Variants in FBN1 observed in about 807,000 individuals in gnomAD.
The protein encoded by FBN1 is fibrillin-1.
Under a neutral mutation model 365.1 loss-of-function variants are expected in FBN1, and 29 were observed. That is an observed-to-expected ratio of 0.08 (90% CI 0.06 to 0.11). The LOEUF is 0.11. Among genes scored for constraint, FBN1 ranks in the 10% least tolerant of loss-of-function variants. The pLI is 1.00. For missense variants in FBN1, 2,476 were observed against 3,703.2 expected, an observed-to-expected ratio of 0.67 and a Z score of 8.60; for synonymous variants, 1,210 against 1,270.5, an observed-to-expected ratio of 0.95 and a Z score of 1.01.
chr15:48,492,594 G>C lies in FBN1; in HGVS notation c.2729-8C>G, dbSNP rs775257418. On this transcript the variant is annotated splice_region_variant and splice_polypyrimidine_tract_variant and intron_variant, in intron 23 of 65. Coordinates refer to ENST00000316623, the MANE Select transcript of FBN1 (RefSeq NM_000138.5). ...CTTCACATTCATCTATATCTAAAAA[G>C]AAAAAAAAAGTATAAAGTTAATATA... 55 of 1,556,584 alleles carry C rather than the reference G, an allele frequency of 3.5e-5. No homozygotes were observed. The highest frequency in any genetic ancestry group is 4.7e-5 in the Non-Finnish European group (54 of 1,137,466).
Position 48,463,071 on chromosome 15 carries a change from C to T in FBN1, c.5224+11G>A, listed in dbSNP as rs776454928. ...ACCTATATTTTTGATAATGGAGAAACTAAAACTCACCTGTACTTGGGATGG... is the reference window on the plus strand; with the variant it reads ...ACCTATATTTTTGATAATGGAGAAATTAAAACTCACCTGTACTTGGGATGG... On this transcript the variant is annotated intron_variant, in intron 42 of 65. Coordinates refer to ENST00000316623, the MANE Select transcript of FBN1 (RefSeq NM_000138.5). 18 of 1,613,342 alleles carry T rather than the reference C, an allele frequency of 1.1e-5. No individual in the cohort carries two copies. The highest frequency in any genetic ancestry group is 1.5e-5 in the Non-Finnish European group (18 of 1,179,474).
chr15:48,550,543 T>C (rs1373835588), intron 6 of FBN1, among the ~76,000 whole-genome samples: 1 of 152,128 alleles, frequency 6.6e-6, no homozygotes, highest in Non-Finnish European at 1.5e-5. Context: ...CCCTTTGCCC[T>C]GCTGGAGTGA....
At chr15:48,614,215 C>T (rs1376985702) in intron 2 of FBN1, among the ~76,000 whole-genome samples, 1 of 152,204 alleles carries the variant, frequency 6.6e-6, no homozygotes, top group African/African-American at 2.4e-5. Flanking sequence ...ATGCTAGCTG[C>T]TAGCGATCAG....
chr15:48,613,129 AAAG>A lies in FBN1; in HGVS notation c.165-40_165-38del, dbSNP rs386134232. 189 of 1,511,016 alleles carry A rather than the reference AAAG, an allele frequency of 1.3e-4. No homozygotes were observed. Among genetic ancestry groups the A allele is most frequent in the Middle Eastern group, 3.4e-4 (2 of 5,930 alleles). The allele number at this position is 1,511,016 out of a possible 1,614,324, so 93.6% of individuals were successfully genotyped here. ...ACAGAAGAATTCCATACTTTAAAAA[AAAG>A]AAGAAGAGGAAGAGATGGCCAAATA... is the stretch of plus-strand genomic sequence containing the variant. On this transcript the variant is annotated intron_variant, in intron 2 of 65. Coordinates refer to ENST00000316623, the MANE Select transcript of FBN1 (RefSeq NM_000138.5).
intron 15 of FBN1, among the ~76,000 whole-genome samples, chr15:48,506,401 T>G (rs2141319047): frequency 6.6e-6 from 1 of 152,304 alleles, no homozygotes; most frequent in South Asian, 2.1e-4. Flanking sequence ...ATTCGGGTGG[T>G]CCAAGGTTCT....
At chr15:48,444,695 C>T (rs1347238497) in intron 48 of FBN1, 35 bp from the exon 49 acceptor site, 6 of 1,610,980 alleles carry the variant, frequency 3.7e-6, no homozygotes, top group Admixed American at 1.7e-5. Flanking sequence ...GAAGAGGTTC[C>T]CACTGGCATG....
At chr15:48,535,989 T>A (rs970652801) in intron 7 of FBN1, among the ~76,000 whole-genome samples, 1 of 152,190 alleles carries the variant, frequency 6.6e-6, no homozygotes. Flanking sequence ...GGCTGTATAC[T>A]CCAGGTCTGA....
Position 48,498,912 on chromosome 15 carries a change from T to C in FBN1, c.2167+73A>G, listed in dbSNP as rs967339031. ...GCCAGACTAGTGTAAAGGGATCAACTGGAAACCCACAAGAAAGCCTGATGC... is the reference window on the plus strand; with the variant it reads ...GCCAGACTAGTGTAAAGGGATCAACCGGAAACCCACAAGAAAGCCTGATGC... On this transcript the variant is annotated intron_variant, in intron 18 of 65. Coordinates refer to ENST00000316623, the MANE Select transcript of FBN1 (RefSeq NM_000138.5). The C allele has an allele frequency of 7.0e-6, 10 of 1,428,282 alleles. No individual in the cohort carries two copies. In the African/African-American group the frequency reaches 9.8e-5, roughly 14 times the overall value. The allele number at this position is 1,428,282 out of a possible 1,614,324, so 88.5% of individuals were successfully genotyped here. A position where few individuals can be genotyped will look rare whatever the true frequency, so the allele number is the denominator to read the frequency against.
At chr15:48,620,582 A>G (rs1302769205) in intron 2 of FBN1, among the ~76,000 whole-genome samples, 1 of 151,996 alleles carries the variant, frequency 6.6e-6, no homozygotes, top group Non-Finnish European at 1.5e-5. Context: ...GTTTTGCATG[A>G]GTGTTATTAC....
chr15:48,416,482 T>C lies in FBN1; in HGVS notation c.7820-715A>G, dbSNP rs578242502. ...TCAAACCAGCCTCCTGCCCAGAGTG[T>C]CTGAGCCCTGTCTAAAACTAAGTGT... is the stretch of plus-strand genomic sequence containing the variant. On this transcript the variant is annotated intron_variant, in intron 63 of 65. Coordinates refer to ENST00000316623, the MANE Select transcript of FBN1 (RefSeq NM_000138.5). Among the ~76,000 whole-genome samples, 8 of 152,280 alleles carry C rather than the reference T, an allele frequency of 5.3e-5. No homozygotes were observed. The East Asian group carries it at 1.5e-3, about 29-fold the overall frequency.
At chr15:48,644,976 G>C in intron 1 of FBN1, 26 bp from the exon 2 acceptor site, 1 of 384,050 alleles carries the variant, frequency 2.6e-6, no homozygotes. Flanking sequence ...AAATCCCCGA[G>C]GCGGGGAGAC....
chr15:48,443,235 T>C (rs2043130046), intron 49 of FBN1, among the ~76,000 whole-genome samples: 2 of 152,176 alleles, frequency 1.3e-5, no homozygotes, highest in South Asian at 4.1e-4. Context: ...TGACACTCCT[T>C]CCACCCCTAT....
intron 43 of FBN1, among the ~76,000 whole-genome samples, chr15:48,459,302 AG>A (rs1263276653): frequency 1.3e-5 from 2 of 152,352 alleles, no homozygotes; most frequent in East Asian, 3.9e-4. Context: ...AGCTAGGGCC[AG>A]GTGTTCCATG....
At chr15:48,437,623 G>C in intron 51 of FBN1, 145 bp downstream of exon 51, 2 of 987,722 alleles carry the variant, frequency 2.0e-6, no homozygotes, top group Non-Finnish European at 3.0e-6. Context: ...AAGCTCCTGA[G>C]ATAAAATAAT....
At chr15:48,514,238 T>C (rs187847829) in intron 12 of FBN1, among the ~76,000 whole-genome samples, 1 of 152,234 alleles carries the variant, frequency 6.6e-6, no homozygotes, top group African/African-American at 2.4e-5. Context: ...GATAAACTGG[T>C]TTATATGACC....
At chr15:48,529,711 A>C (rs913351054) in intron 8 of FBN1, 2 of 151,102 alleles carry the variant, frequency 1.3e-5, no homozygotes, top group Admixed American at 6.6e-5. Context: ...TGAGCCTGTG[A>C]GCTTAACTTT....
At chr15:48,631,714 A>T (rs1416297798) in intron 2 of FBN1, among the ~76,000 whole-genome samples, 1 of 152,204 alleles carries the variant, frequency 6.6e-6, no homozygotes, top group Non-Finnish European at 1.5e-5. Context: ...CTCTGAGATT[A>T]TGTGTTGAAA....
chr15:48,413,989 G>A (rs940702909), intron 64 of FBN1, among the ~76,000 whole-genome samples: 1 of 152,214 alleles, frequency 6.6e-6, no homozygotes, highest in Non-Finnish European at 1.5e-5. Context: ...TCCTGTGGGT[G>A]TGTGCGCATG....
chr15:48,410,340 G>A lies in FBN1; in HGVS notation c.*650C>T, dbSNP rs533061153. 6.5e-6 allele frequency: 1 copy of A among 152,754 alleles called. No homozygotes were observed. The highest frequency in any genetic ancestry group is 2.1e-4 in the South Asian group (1 of 4,806). The allele number at this position is 152,754 out of a possible 1,614,324, so 9.5% of individuals were successfully genotyped here. On this transcript the variant is annotated 3_prime_UTR_variant, in exon 66 of 66. Transcript: ENST00000316623. ...CACCATTACAAACCCTCACATTAAG[G>A]GCATTATTATTCTAGTTTATAAATG...
Sources: allele counts gnomAD v4.1 joint callset (sites outside exome capture counted in the v4.1 genomes callset), GRCh38; gene constraint gnomAD v4.1.1; transcripts MANE v1.5; gene names NCBI Gene and HGNC (gene_info 2026-07-23, HGNC 2026-07-21).